MAN2B2: variants seen among roughly 807,000 people sequenced by gnomAD.
MAN2B2 encodes the protein epididymis-specific alpha-mannosidase.
In MAN2B2, 106 loss-of-function variants were observed where a neutral mutation model predicts 117.1. The observed-to-expected ratio is 0.90, with a 90% CI of 0.77 to 1.06. The LOEUF (loss-of-function observed/expected upper bound fraction) is 1.06, where lower values mean the gene tolerates loss of function less well. MAN2B2 is among the 50% of genes least tolerant of loss of function. The pLI is 0.00. For missense variants in MAN2B2, 1,326 were observed against 1,381.4 expected, an observed-to-expected ratio of 0.96 and a Z score of 0.64; for synonymous variants, 544 against 595.1, an observed-to-expected ratio of 0.91 and a Z score of 1.25.
chr4:6,605,549 T>C (rs1727510919), intron 11 of MAN2B2, among the ~76,000 whole-genome samples: 1 of 151,734 alleles, frequency 6.6e-6, no homozygotes, highest in African/African-American at 2.4e-5. Flanking sequence ...TATTGATCCA[T>C]AGAAAAAAAT....
In MAN2B2 at chr4:6,597,323, C is replaced by G; in HGVS notation, c.1248+20C>G. 1 of 1,521,256 alleles carries G rather than the reference C, an allele frequency of 6.6e-7. No homozygotes were observed. Among genetic ancestry groups the G allele is most frequent in the African/African-American group, 1.4e-5 (1 of 71,608 alleles). The allele number at this position is 1,521,256 out of a possible 1,614,324, so 94.2% of individuals were successfully genotyped here. A position where few individuals can be genotyped will look rare whatever the true frequency, so the allele number is the denominator to read the frequency against. On this transcript the variant is annotated intron_variant, in intron 8 of 18. Coordinates refer to ENST00000285599, the MANE Select transcript of MAN2B2 (RefSeq NM_015274.3). The stretch of plus-strand genomic sequence containing the variant: ...TCCGAGGTAACACCACATTTAGCCA[C>G]AGTGGCAGGATTGGAACCTCCCATG...
At chr4:6,614,708 C>A (rs1470902631) in intron 16 of MAN2B2, among the ~76,000 whole-genome samples, 1 of 152,206 alleles carries the variant, frequency 6.6e-6, no homozygotes, top group East Asian at 1.9e-4. Context: ...CTGGAGCCCC[C>A]AAACACCCAA....
In MAN2B2 at chr4:6,594,681, A is replaced by G; in HGVS notation, c.1006A>G (p.Asn336Asp). Residue 336 changes from asparagine to aspartate, a missense_variant, in exon 7 of 19, where the codon AAT (asparagine) becomes GAT (aspartate). Physicochemically the swap from Asn to Asp is conservative, Grantham distance 23. Coordinates refer to ENST00000285599, the MANE Select transcript of MAN2B2 (RefSeq NM_015274.3). ...GDYFRALHAL[N>D]VTWRVRDHHD... ...CTACTTCCGTGCCCTGCACGCTCTC[A>G]ATGTCACCTGGCGTGTCCGCGACCA... 1 of 1,613,006 alleles carries G rather than the reference A, an allele frequency of 6.2e-7. No individual in the cohort carries two copies. The highest frequency in any genetic ancestry group is 8.5e-7 in the Non-Finnish European group (1 of 1,179,952).
intron 15 of MAN2B2, among the ~76,000 whole-genome samples, chr4:6,613,683 AG>A (rs1208297281): frequency 2.5e-5 from 3 of 121,280 alleles, no homozygotes; most frequent in African/African-American, 9.4e-5. Flanking sequence ...GGAGGAAGGA[AG>A]GAGGGAAGGA....
At chr4:6,618,682 C>T (rs1007846717) in intron 17 of MAN2B2, 3 of 152,332 alleles carry the variant, frequency 2.0e-5, no homozygotes, top group African/African-American at 7.2e-5. Flanking sequence ...TGACCTGAGC[C>T]GCCTCATTTC....
Position 6,594,689 on chromosome 4 carries a change from C to G in MAN2B2, c.1014C>G (p.Thr338=). Residue 338 remains threonine, a synonymous_variant, in exon 7 of 19, where the codon ACC becomes ACG. Coordinates refer to ENST00000285599, the MANE Select transcript of MAN2B2 (RefSeq NM_015274.3). ...YFRALHALNV[T]WRVRDHHDFL... The stretch of plus-strand genomic sequence containing the variant: ...GTGCCCTGCACGCTCTCAATGTCAC[C>G]TGGCGTGTCCGCGACCACCACGACT... 1.2e-6 allele frequency: 2 copies of G among 1,612,864 alleles called. No individual in the cohort carries two copies. The highest frequency in any genetic ancestry group is 2.7e-5 in the African/African-American group (2 of 75,028).
chr4:6,590,470 T>G (rs1726811768), intron 5 of MAN2B2, among the ~76,000 whole-genome samples: 1 of 150,254 alleles, frequency 6.7e-6, no homozygotes, highest in Admixed American at 6.6e-5. Flanking sequence ...GGTCCCCTTC[T>G]GCTCTCGCCT....
At chr4:6,602,291 T>C (rs1727364527) in intron 10 of MAN2B2, among the ~76,000 whole-genome samples, 1 of 152,202 alleles carries the variant, frequency 6.6e-6, no homozygotes, top group Admixed American at 6.5e-5. Context: ...TTAAATGACA[T>C]ACATTTATTT....
chr4:6,603,074 A>G (rs1727391834), intron 10 of MAN2B2, among the ~76,000 whole-genome samples: 1 of 151,922 alleles, frequency 6.6e-6, no homozygotes, highest in Non-Finnish European at 1.5e-5. Flanking sequence ...CTTTGGGAAT[A>G]TTTGTGATCT....
chr4:6,583,191 A>G (rs1013552932), intron 3 of MAN2B2, among the ~76,000 whole-genome samples: 3 of 152,228 alleles, frequency 2.0e-5, no homozygotes, highest in Non-Finnish European at 4.4e-5. Context: ...GCTTCCTTGT[A>G]AAAGGCGACC....
At position 6,594,748 on chromosome 4, in the gene MAN2B2, G is replaced by A. The variant is rs553992012; in HGVS notation, c.1057+16G>A. The A allele has an allele frequency of 4.7e-5, 75 of 1,601,424 alleles. No homozygotes were observed. In the South Asian group the frequency reaches 8.1e-4, roughly 17 times the overall value. ...TATTCCACAGGTACAGGCTTCCAGG[G>A]GCTGGGGTGGTAGTTTGGTGGCAGG... On this transcript the variant is annotated intron_variant, in intron 7 of 18. Transcript: ENST00000285599.
At chr4:6,579,126 C>T (rs1318291779) in intron 3 of MAN2B2, among the ~76,000 whole-genome samples, 7 of 56,868 alleles carry the variant, frequency 1.2e-4, no homozygotes, top group South Asian at 7.2e-4. Flanking sequence ...ATCACCACTA[C>T]CACCACCACC....
intron 9 of MAN2B2, among the ~76,000 whole-genome samples, chr4:6,599,790 C>T (rs1727254005): frequency 6.6e-6 from 1 of 152,246 alleles, no homozygotes; most frequent in Admixed American, 6.5e-5. Context: ...CCTTCCCCTC[C>T]CATCTCTGTC....
At chr4:6,591,425 C>T (rs940676977) in intron 5 of MAN2B2, among the ~76,000 whole-genome samples, 1 of 152,246 alleles carries the variant, frequency 6.6e-6, no homozygotes, top group African/African-American at 2.4e-5. Context: ...CACTGTGGAG[C>T]GGACTGAACA....
intron 7 of MAN2B2, 133 bp downstream of exon 7, chr4:6,594,865 G>A (rs1173547801): frequency 1.2e-5 from 11 of 903,668 alleles, no homozygotes; most frequent in Non-Finnish European, 1.9e-5. Flanking sequence ...GTTCTGTGTG[G>A]GGCGCAGGGG....
At chr4:6,593,424 C>A in intron 6 of MAN2B2, 74 bp downstream of exon 6, 1 of 1,443,634 alleles carries the variant, frequency 6.9e-7, no homozygotes, top group Non-Finnish European at 9.2e-7. Context: ...TCCCTGCACC[C>A]AGGGCCACCC....
chr4:6,609,417 C>T lies in MAN2B2; in HGVS notation c.2006+119C>T, dbSNP rs148193428. On this transcript the variant is annotated intron_variant, in intron 12 of 18. Coordinates refer to ENST00000285599, the MANE Select transcript of MAN2B2 (RefSeq NM_015274.3). ...CCCAGCTTCCGGGCCGTGGTTGACA[C>T]GTGGTCTGATGAAGAAATGAATTGC... 4.2e-5 allele frequency: 41 copies of T among 977,440 alleles called. No homozygotes were observed. The African/African-American group carries it at 5.9e-4, about 14-fold the overall frequency. The allele number at this position is 977,440 out of a possible 1,614,324, so 60.5% of individuals were successfully genotyped here. A position where few individuals can be genotyped will look rare whatever the true frequency, so the allele number is the denominator to read the frequency against.
intron 3 of MAN2B2, among the ~76,000 whole-genome samples, chr4:6,579,250 CCACCATCACCACCACCACCAT>C (rs1726283248): frequency 2.5e-5 from 2 of 79,912 alleles, no homozygotes; most frequent in Non-Finnish European, 2.8e-5. Flanking sequence ...CCACCCTTCA[CCACCATCACCACCACCACCAT>C]CACCACCACC....
chr4:6,593,238 A>G lies in MAN2B2; in HGVS notation c.746A>G (p.Asn249Ser). The change falls in exon 6 of 19, where the codon AAC becomes AGC. Residue 249 changes from asparagine (N) to serine (S), a missense_variant. Physicochemically the swap from Asn to Ser is conservative, Grantham distance 46. Transcript: ENST00000285599. ...PKPPQDGVYP[N>S]MSEPVTPANI... is the part of the protein sequence containing the mutation. Reference sequence around the variant, plus strand: ...CCTCCCCAAGATGGGGTGTACCCCAACATGAGTGAGCCTGTCACCCCAGCC... The same window carrying G: ...CCTCCCCAAGATGGGGTGTACCCCAGCATGAGTGAGCCTGTCACCCCAGCC... 6.2e-7 allele frequency: 1 copy of G among 1,614,004 alleles called. No homozygotes were observed. Among genetic ancestry groups the G allele is most frequent in the Non-Finnish European group, 8.5e-7 (1 of 1,179,936 alleles).
Sources: gnomAD v4.1 joint callset for allele counts (sites outside exome capture counted in the v4.1 genomes callset) on GRCh38, gnomAD v4.1.1 for gene constraint, MANE v1.5 for transcripts, NCBI Gene and HGNC (gene_info 2026-07-23, HGNC 2026-07-21) for gene names.